The following MEI4 variants were observed in gnomAD, a reference collection of about 807,000 sequenced individuals.
MEI4 encodes the protein meiosis-specific protein MEI4.
In MEI4, 27 loss-of-function variants were observed where a neutral mutation model predicts 31.4. The observed-to-expected ratio is 0.86, with a 90% CI of 0.63 to 1.19. The LOEUF (loss-of-function observed/expected upper bound fraction) is 1.19, where lower values mean the gene tolerates loss of function less well. Ranked by LOEUF, MEI4 falls within the 50% of genes most tolerant of loss-of-function variation. MEI4 has a pLI of 0.00. For synonymous variants in MEI4, 122 were observed against 145.4 expected, an observed-to-expected ratio of 0.84 and a Z score of 1.16; for missense variants, 329 against 398.9, an observed-to-expected ratio of 0.82 and a Z score of 1.49.
At chr6:77,918,079 G>C (rs1766605962) in intron 4 of MEI4, among the ~76,000 whole-genome samples, 1 of 150,838 alleles carries the variant, frequency 6.6e-6, no homozygotes, top group African/African-American at 2.4e-5. Context: ...GATAGTTGTA[G>C]ATATGTGGCG....
At chr6:77,816,605 G>T (rs1002956141) in intron 3 of MEI4, among the ~76,000 whole-genome samples, 2 of 152,140 alleles carry the variant, frequency 1.3e-5, no homozygotes, top group African/African-American at 4.8e-5. Flanking sequence ...AAACATAGGT[G>T]TGCATGTGTC....
intron 3 of MEI4, among the ~76,000 whole-genome samples, chr6:77,783,999 C>T (rs966424735): frequency 4.6e-5 from 7 of 151,962 alleles, no homozygotes; most frequent in Non-Finnish European, 7.4e-5. Context: ...CAAGTTAAAC[C>T]GCTACAGAGA....
At chr6:77,698,288 G>C (rs889594657) in intron 2 of MEI4, among the ~76,000 whole-genome samples, 2 of 152,146 alleles carry the variant, frequency 1.3e-5, no homozygotes, top group Admixed American at 1.3e-4. Flanking sequence ...ATATTGTTAT[G>C]TGTGAATTTG....
chr6:77,690,781 C>T lies in MEI4; in HGVS notation c.110C>T (p.Ala37Val). 2 of 1,231,642 alleles carry T rather than the reference C, an allele frequency of 1.6e-6. No individual in the cohort carries two copies. Among genetic ancestry groups the T allele is most frequent in the Non-Finnish European group, 2.0e-6 (2 of 987,430 alleles). The allele number at this position is 1,231,642 out of a possible 1,614,324, so 76.3% of individuals were successfully genotyped here. ...KSSREYTEHLAMLLSEEQSKW... is the reference protein window; with the variant it reads ...KSSREYTEHLVMLLSEEQSKW... ...AGCAGAGAATACACAGAGCACCTTGCTATGTTGCTGTCTGAGGAGCAGTCA... is the reference window on the plus strand; with the variant it reads ...AGCAGAGAATACACAGAGCACCTTGTTATGTTGCTGTCTGAGGAGCAGTCA... Residue 37 changes from alanine to valine, a missense_variant, in exon 2 of 5, where the codon GCT becomes GTT. Transcript: ENST00000684080.
chr6:77,909,508 G>A (rs1766380896), intron 4 of MEI4, among the ~76,000 whole-genome samples: 1 of 152,066 alleles, frequency 6.6e-6, no homozygotes, highest in South Asian at 2.1e-4. Context: ...ACTAAACCAG[G>A]AAGAAGTTGA....
chr6:77,756,865 G>A (rs933204965), intron 2 of MEI4, among the ~76,000 whole-genome samples: 1 of 152,152 alleles, frequency 6.6e-6, no homozygotes, highest in South Asian at 2.1e-4. Flanking sequence ...CCCTGATGAG[G>A]TGTCTGCTAC....
At chr6:77,794,593 C>T (rs115471461) in intron 3 of MEI4, among the ~76,000 whole-genome samples, 2,200 of 151,804 alleles carry the variant, frequency 0.014, 55 homozygotes, top group African/African-American at 0.05. Context: ...CATCAAAGCA[C>T]GTAAATATAT....
At chr6:77,699,790 T>G (rs1766168578) in intron 2 of MEI4, among the ~76,000 whole-genome samples, 1 of 152,156 alleles carries the variant, frequency 6.6e-6, no homozygotes, top group African/African-American at 2.4e-5. Context: ...TTAGTTTTCC[T>G]TCTACCATTC....
intron 1 of MEI4, among the ~76,000 whole-genome samples, chr6:77,674,805 C>T (rs1768810645): frequency 6.6e-6 from 1 of 152,100 alleles, no homozygotes; most frequent in Non-Finnish European, 1.5e-5. Flanking sequence ...GCAACTCCTC[C>T]TTCACCTGCA....
At chr6:77,883,760 A>G (rs1038034324) in intron 4 of MEI4, among the ~76,000 whole-genome samples, 1 of 114,308 alleles carries the variant, frequency 8.7e-6, no homozygotes, top group Non-Finnish European at 1.8e-5. Context: ...GTCTTTGTCT[A>G]TTCATTTATT....
At chr6:77,759,814 C>G (rs1022232520) in intron 2 of MEI4, among the ~76,000 whole-genome samples, 4 of 152,014 alleles carry the variant, frequency 2.6e-5, no homozygotes, top group Admixed American at 2.6e-4. Context: ...TTATTATGTT[C>G]GCCTCAAATA....
chr6:77,812,537 T>C (rs185838599), intron 3 of MEI4, among the ~76,000 whole-genome samples: 1 of 152,100 alleles, frequency 6.6e-6, no homozygotes, highest in African/African-American at 2.4e-5. Context: ...CTGTCCTTGA[T>C]GTTACTTGTA....
intron 2 of MEI4, among the ~76,000 whole-genome samples, chr6:77,730,727 C>G (rs999407495): frequency 2.0e-5 from 3 of 151,828 alleles, no homozygotes; most frequent in Non-Finnish European, 4.4e-5. Flanking sequence ...GCTGCACCCA[C>G]TAACTCGTCA....
chr6:77,752,944 G>A lies in MEI4; in HGVS notation c.233-8186G>A, dbSNP rs530621251. On this transcript the variant is annotated intron_variant, in intron 2 of 4. Transcript: ENST00000684080. ...ACAGAACGGAGTCCTCAGAAATAAC[G>A]CCACGCATCTATAACCATTGGATCT... Among the ~76,000 whole-genome samples, 7 of 152,084 alleles carry A rather than the reference G, an allele frequency of 4.6e-5. No individual in the cohort carries two copies. The East Asian group carries it at 7.7e-4, about 17-fold the overall frequency.
chr6:77,906,478 C>A (rs530190516), intron 4 of MEI4, among the ~76,000 whole-genome samples: 8 of 152,250 alleles, frequency 5.3e-5, no homozygotes, highest in African/African-American at 1.9e-4. Context: ...TCCTTAGCAG[C>A]AAACACTGTG....
intron 4 of MEI4, among the ~76,000 whole-genome samples, chr6:77,902,794 A>G (rs752399351): frequency 1.3e-5 from 2 of 152,124 alleles, no homozygotes; most frequent in Non-Finnish European, 2.9e-5. Flanking sequence ...CCTGGCTTCA[A>G]GTATCACCTT....
Position 77,926,620 on chromosome 6 carries a change from A to AT in MEI4, c.*3278dup, listed in dbSNP as rs1181540503. The AT allele has an allele frequency of 1.3e-5, 2 of 151,924 alleles. No homozygotes were observed. The highest frequency in any genetic ancestry group is 1.5e-5 in the Non-Finnish European group (1 of 67,932). The allele number at this position is 151,924 out of a possible 1,614,324, so 9.4% of individuals were successfully genotyped here. A position where few individuals can be genotyped will look rare whatever the true frequency, so the allele number is the denominator to read the frequency against. On this transcript the variant is annotated 3_prime_UTR_variant, in exon 5 of 5. Transcript: ENST00000684080. The stretch of plus-strand genomic sequence containing the variant: ...TCCAAAATTTTATGTACATTTACAG[A>AT]TTTTCTGAACGCCATATTATGGGGA...
chr6:77,743,894 C>G (rs1182663537), intron 2 of MEI4, among the ~76,000 whole-genome samples: 1 of 152,208 alleles, frequency 6.6e-6, no homozygotes, highest in East Asian at 1.9e-4. Flanking sequence ...TCCAACAGAC[C>G]TGCAGCTGAG....
chr6:77,680,128 A>AAAAAAAAAAAAAAT (rs1247876878), intron 1 of MEI4, among the ~76,000 whole-genome samples: 6 of 115,596 alleles, frequency 5.2e-5, no homozygotes, highest in East Asian at 5.0e-4. Context: ...AAAAAAAAAA[A>AAAAAAAAAAAAAAT]ATTAGCTGGG....
Sources: allele counts gnomAD v4.1 joint callset (sites outside exome capture counted in the v4.1 genomes callset), GRCh38; gene constraint gnomAD v4.1.1; transcripts MANE v1.5; gene names NCBI Gene and HGNC (gene_info 2026-07-23, HGNC 2026-07-21).